CACNG5: variants seen among roughly 807,000 people sequenced by gnomAD.
CACNG5 encodes the protein calcium voltage-gated channel auxiliary subunit gamma 5.
Under a neutral mutation model 24.8 loss-of-function variants are expected in CACNG5, and 18 were observed. That is an observed-to-expected ratio of 0.73 (90% CI 0.50 to 1.08). The LOEUF (loss-of-function observed/expected upper bound fraction) is 1.08. Among genes scored for constraint, CACNG5 ranks in the 50% least tolerant of loss-of-function variants. The probability of loss-of-function intolerance (pLI) is 0.00; values close to 1 mark genes in which losing one functional copy is unlikely to be tolerated. For missense variants in CACNG5, 349 were observed against 367.9 expected, an observed-to-expected ratio of 0.95 and a Z score of 0.42; for synonymous variants, 157 against 149.1, an observed-to-expected ratio of 1.05 and a Z score of -0.39.
rs556477319 is a variant in CACNG5, at chr17:66,885,068, C to T, written c.656C>T (p.Pro219Leu). Residue 219 changes from proline (P) to leucine (L), a missense_variant, in exon 6 of 6, where the codon CCT becomes CTT. By Grantham distance (98) the Pro-to-Leu change is moderately conservative. Transcript: ENST00000533854. ...AGGCCCCACCCTGGCTTCTACCGCC[C>T]TCGGCTGAGCAACTGCTCCGATTAC... ...MYRPHPGFYR[P>L]RLSNCSDYSG... The T allele has an allele frequency of 6.2e-7, 1 of 1,614,216 alleles. No homozygotes were observed. The highest frequency in any genetic ancestry group is 1.3e-5 in the African/African-American group (1 of 75,060).
intron 5 of CACNG5, 124 bp downstream of exon 5, chr17:66,884,785 T>C (rs1433886546): frequency 2.5e-6 from 4 of 1,613,374 alleles, no homozygotes; most frequent in Middle Eastern, 1.6e-4. Context: ...CCACCCACTC[T>C]ACTTCCCTTC....
At chr17:66,854,998 A>G (rs1244821959) in intron 1 of CACNG5, among the ~76,000 whole-genome samples, 3 of 152,232 alleles carry the variant, frequency 2.0e-5, no homozygotes, top group African/African-American at 7.2e-5. Context: ...AAAATTTAAG[A>G]TATGTGACAA....
chr17:66,846,743 TTGTC>T (rs748171787), intron 1 of CACNG5, among the ~76,000 whole-genome samples: 4 of 152,234 alleles, frequency 2.6e-5, no homozygotes, highest in East Asian at 3.8e-4. Flanking sequence ...GTACAAGTAT[TTGTC>T]TGAACACCTG....
Position 66,888,112 on chromosome 17 carries a change from T to C in CACNG5, c.*2872T>C, listed in dbSNP as rs1977287835. On this transcript the variant is annotated 3_prime_UTR_variant, in exon 6 of 6. Transcript: ENST00000533854. Reference sequence around the variant, plus strand: ...GTCATGATTTATGGAATAAAATAACTTGGGGTAATCAGCCATTAACAGAGA... The same window carrying C: ...GTCATGATTTATGGAATAAAATAACCTGGGGTAATCAGCCATTAACAGAGA... 6.6e-6 allele frequency among the ~76,000 whole-genome samples: 1 copy of C among 151,920 alleles called. No homozygotes were observed. Among genetic ancestry groups the C allele is most frequent in the Non-Finnish European group, 1.5e-5 (1 of 67,998 alleles).
At chr17:66,846,197 C>T (rs1598045467) in intron 1 of CACNG5, among the ~76,000 whole-genome samples, 1 of 152,116 alleles carries the variant, frequency 6.6e-6, no homozygotes, top group Non-Finnish European at 1.5e-5. Flanking sequence ...GAATCATATT[C>T]TTTGATATAA....
In CACNG5 at chr17:66,862,144, C is replaced by T. The variant is rs918816321; in HGVS notation, c.-103-15086C>T. Among the ~76,000 whole-genome samples, 4 of 151,914 alleles carry T rather than the reference C, an allele frequency of 2.6e-5. No individual in the cohort carries two copies. In the South Asian group the frequency reaches 6.2e-4, roughly 24 times the overall value. On this transcript the variant is annotated intron_variant, in intron 1 of 5. Coordinates refer to ENST00000533854, the MANE Select transcript of CACNG5 (RefSeq NM_145811.3). ...GCTGATGGTGGGTCCGGGAGTGATTCGAGTCATTAATTGGAGGAGCAGAAA... is the reference window on the plus strand; with the variant it reads ...GCTGATGGTGGGTCCGGGAGTGATTTGAGTCATTAATTGGAGGAGCAGAAA...
At chr17:66,864,198 G>A (rs1976899798) in intron 1 of CACNG5, among the ~76,000 whole-genome samples, 1 of 152,206 alleles carries the variant, frequency 6.6e-6, no homozygotes, top group Non-Finnish European at 1.5e-5. Flanking sequence ...CTGATTTGAA[G>A]ATGAGTTTCA....
intron 1 of CACNG5, among the ~76,000 whole-genome samples, chr17:66,855,330 C>A (rs908675954): frequency 2.0e-5 from 3 of 152,192 alleles, no homozygotes; most frequent in African/African-American, 7.2e-5. Context: ...TTAATTGGCC[C>A]CAGGCCCGGG....
intron 1 of CACNG5, among the ~76,000 whole-genome samples, chr17:66,841,969 G>T (rs986984398): frequency 5.3e-5 from 8 of 152,224 alleles, no homozygotes; most frequent in African/African-American, 1.4e-4. Context: ...TGAGCAGATG[G>T]AGCTGTGGAG....
intron 1 of CACNG5, among the ~76,000 whole-genome samples, chr17:66,864,647 T>C (rs995439044): frequency 1.3e-5 from 2 of 152,226 alleles, no homozygotes; most frequent in Admixed American, 6.5e-5. Context: ...TTTCCATTGA[T>C]TGATTTATTT....
intron 1 of CACNG5, among the ~76,000 whole-genome samples, chr17:66,846,371 G>A (rs1048676493): frequency 2.0e-5 from 3 of 152,180 alleles, no homozygotes; most frequent in African/African-American, 7.2e-5. Context: ...CACCCGTGAA[G>A]CAGTCACTTC....
intron 1 of CACNG5, among the ~76,000 whole-genome samples, chr17:66,855,904 T>G (rs2143059008): frequency 6.6e-6 from 1 of 152,378 alleles, no homozygotes; most frequent in African/African-American, 2.4e-5. Flanking sequence ...ATTTTTACAC[T>G]CATCATCCCA....
intron 1 of CACNG5, among the ~76,000 whole-genome samples, chr17:66,861,025 G>GCACA (rs140020871): frequency 0.14 from 20,621 of 150,232 alleles, 1,672 homozygotes; most frequent in East Asian, 0.39. Context: ...GCACATGCAC[G>GCACA]CACACACACA....
intron 1 of CACNG5, among the ~76,000 whole-genome samples, chr17:66,871,544 G>T (rs1977006578): frequency 6.6e-6 from 1 of 152,164 alleles, no homozygotes; most frequent in Non-Finnish European, 1.5e-5. Context: ...GCAGGGGAAT[G>T]TGCCATTAAT....
At chr17:66,850,568 G>A (rs893095361) in intron 1 of CACNG5, among the ~76,000 whole-genome samples, 22 of 148,776 alleles carry the variant, frequency 1.5e-4, no homozygotes, top group African/African-American at 5.6e-4. Flanking sequence ...TAAAATTAAA[G>A]TTCACATATA....
chr17:66,880,262 T>C (rs1466412559), intron 3 of CACNG5, among the ~76,000 whole-genome samples: 1 of 152,216 alleles, frequency 6.6e-6, no homozygotes, highest in Non-Finnish European at 1.5e-5. Context: ...GACTCCATAT[T>C]GGCAGACAGT....
intron 1 of CACNG5, among the ~76,000 whole-genome samples, chr17:66,869,690 C>G (rs4790900): frequency 0.04 from 6,055 of 152,170 alleles, 168 homozygotes; most frequent in East Asian, 0.12. Context: ...CAAGGCCATG[C>G]CTGGAATTTA....
rs1376981529 is a variant in CACNG5, at chr17:66,893,777, G to A, written c.*8537G>A. On this transcript the variant is annotated 3_prime_UTR_variant, in exon 6 of 6. Transcript: ENST00000533854. Reference sequence around the variant, plus strand: ...CTTCAGCTGGAGAGGAGGAAGAGATGTTTCATTTGTTCACAATGTTTCCTG... The same window carrying A: ...CTTCAGCTGGAGAGGAGGAAGAGATATTTCATTTGTTCACAATGTTTCCTG... Among the ~76,000 whole-genome samples, 2 of 149,462 alleles carry A rather than the reference G, an allele frequency of 1.3e-5. No individual in the cohort carries two copies. The highest frequency in any genetic ancestry group is 3.0e-5 in the Non-Finnish European group (2 of 67,300).
chr17:66,856,832 C>T (rs373384129), intron 1 of CACNG5, among the ~76,000 whole-genome samples: 10 of 152,026 alleles, frequency 6.6e-5, no homozygotes, highest in African/African-American at 2.4e-4. Context: ...TGTGAGCCAC[C>T]ACACCTGACC....
Sources: allele counts gnomAD v4.1 joint callset (sites outside exome capture counted in the v4.1 genomes callset), GRCh38; gene constraint gnomAD v4.1.1; transcripts MANE v1.5; gene names NCBI Gene and HGNC (gene_info 2026-07-23, HGNC 2026-07-21).